PIK3C2A: variants seen among roughly 807,000 people sequenced by gnomAD.
PIK3C2A encodes phosphatidylinositol-4-phosphate 3-kinase catalytic subunit type 2 alpha, also known as phosphatidylinositol 4-phosphate 3-kinase C2 domain-containing subunit alpha.
Under a neutral mutation model 204.5 loss-of-function variants are expected in PIK3C2A, and 97 were observed. The observed-to-expected ratio is 0.47, with a 90% confidence interval of 0.40 to 0.56. The LOEUF is 0.56. PIK3C2A is among the 20% of genes least tolerant of loss of function. The pLI, the probability that PIK3C2A is intolerant of heterozygous loss-of-function variation, is 0.00. For missense variants in PIK3C2A, 1,735 were observed against 1,969.2 expected (o/e 0.88, Z 2.25); for synonymous variants, 653 against 664.4 (o/e 0.98, Z 0.26).
intron 1 of PIK3C2A, among the ~76,000 whole-genome samples, chr11:17,183,844 G>A (rs987212944): frequency 2.6e-5 from 4 of 151,654 alleles, no homozygotes; most frequent in African/African-American, 4.9e-5. Context: ...CACACCTGTA[G>A]TCCCAGCACC....
intron 1 of PIK3C2A, among the ~76,000 whole-genome samples, chr11:17,170,180 AGG>A (rs1851112683): frequency 1.3e-5 from 2 of 152,230 alleles, no homozygotes; most frequent in Non-Finnish European, 1.5e-5. Context: ...CAGTTCAGAC[AGG>A]GTTTACCAAT....
At chr11:17,202,715 G>A (rs1852432237) in intron 1 of PIK3C2A, among the ~76,000 whole-genome samples, 1 of 152,212 alleles carries the variant, frequency 6.6e-6, no homozygotes, top group African/African-American at 2.4e-5. Flanking sequence ...TACCTCACAG[G>A]TAATAAGGTC....
chr11:17,192,279 T>C (rs1851972784), intron 1 of PIK3C2A, among the ~76,000 whole-genome samples: 1 of 152,180 alleles, frequency 6.6e-6, no homozygotes, highest in African/African-American at 2.4e-5. Flanking sequence ...CCAAGCTAAA[T>C]CCAACATTGT....
rs113564750 is a variant in PIK3C2A at position 17,189,385 on chromosome 11, C to T, written c.-66+18463G>A. Reference sequence around the variant, plus strand: ...ATCCCAGCACTATGGCAGGCCGAGGCGGGTGGATCACCTGAGGTCAGGAGT... The same window carrying T: ...ATCCCAGCACTATGGCAGGCCGAGGTGGGTGGATCACCTGAGGTCAGGAGT... On this transcript the variant is annotated intron_variant, in intron 1 of 32. Coordinates refer to ENST00000691414, the MANE Select transcript of PIK3C2A (RefSeq NM_002645.4). 3.4e-5 allele frequency among the ~76,000 whole-genome samples: 5 copies of T among 146,190 alleles called. 1 individual carries two copies. The highest frequency in any genetic ancestry group is 2.1e-4 in the South Asian group (1 of 4,808).
intron 1 of PIK3C2A, among the ~76,000 whole-genome samples, chr11:17,187,540 C>A (rs598946): frequency 0.58 from 87,883 of 151,880 alleles, 25,759 homozygotes; most frequent in East Asian, 0.82. Flanking sequence ...CAGAGTTTCT[C>A]ATTGGCAGGG....
At chr11:17,158,332 G>A (rs1366854301) in intron 2 of PIK3C2A, among the ~76,000 whole-genome samples, 1 of 150,048 alleles carries the variant, frequency 6.7e-6, no homozygotes, top group Non-Finnish European at 1.5e-5. Context: ...TGGGCAATAA[G>A]AGCAAAACTC....
rs778486543 is a variant in PIK3C2A, at chr11:17,135,131, G to T, written c.1877C>A (p.Thr626Asn). The change falls in exon 10 of 33, where the codon ACT becomes AAT. Residue 626 changes from threonine (T) to asparagine (N), a missense_variant. Thr to Asn is a moderately conservative substitution (Grantham distance 65). Around this residue, in one of 6 missense-constraint regions of PIK3C2A, gnomAD observed 567 missense variants for 576.0 expected, o/e 0.98. Transcript: ENST00000691414. ...CATACCCCTAGTTGAACTCCTGCTA[G>T]TGTCTTCTCCTCCAAACAAAGAAGT... is the stretch of plus-strand genomic sequence containing the variant. Reference protein sequence around the residue: ...DVTSLFGGEDTSRSSTRGSLN... With the variant: ...DVTSLFGGEDNSRSSTRGSLN... 6.8e-6 allele frequency: 11 copies of T among 1,613,866 alleles called. No homozygotes were observed. The East Asian group carries it at 2.5e-4, about 36-fold the overall frequency.
chr11:17,193,026 T>C (rs1851994803), intron 1 of PIK3C2A, among the ~76,000 whole-genome samples: 1 of 152,176 alleles, frequency 6.6e-6, no homozygotes, highest in East Asian at 1.9e-4. Context: ...ATACCATAAC[T>C]GTAGGAATGG....
intron 8 of PIK3C2A, among the ~76,000 whole-genome samples, chr11:17,140,232 C>T (rs1259408967): frequency 6.6e-6 from 1 of 151,990 alleles, no homozygotes; most frequent in South Asian, 2.1e-4. Context: ...CTGGGTAAGA[C>T]AGTGAGACCT....
Position 17,123,223 on chromosome 11 carries a change from C to T in PIK3C2A, c.2400-410G>A, listed in dbSNP as rs555326419. Among the ~76,000 whole-genome samples the T allele has an allele frequency of 7.2e-5, 11 of 152,164 alleles. No homozygotes were observed. In the South Asian group the frequency reaches 2.1e-3, roughly 29 times the overall value. On this transcript the variant is annotated intron_variant, in intron 13 of 32. Transcript: ENST00000691414. ...GACTTTAATCATTAGATCAAAAATA[C>T]AAGCCAAAGAAAACAAAACACGTTT... is the stretch of plus-strand genomic sequence containing the variant.
chr11:17,206,983 T>C (rs886735892), intron 1 of PIK3C2A, among the ~76,000 whole-genome samples: 42 of 152,188 alleles, frequency 2.8e-4, no homozygotes, highest in Non-Finnish European at 4.4e-5. Context: ...CCTCAATTTC[T>C]ATCGGGCCAG....
intron 1 of PIK3C2A, among the ~76,000 whole-genome samples, chr11:17,189,187 C>G (rs1851856914): frequency 6.8e-6 from 1 of 147,092 alleles, no homozygotes. Flanking sequence ...ACAGCTGCAA[C>G]AAAGCACAGA....
At chr11:17,155,473 C>T in intron 3 of PIK3C2A, 53 bp downstream of exon 3, 1 of 968,334 alleles carries the variant, frequency 1.0e-6, no homozygotes, top group Non-Finnish European at 1.6e-6. Context: ...TAGCACTAAA[C>T]TGGTTTTCAA....
At chr11:17,096,688 A>G (rs893369571) in intron 27 of PIK3C2A, among the ~76,000 whole-genome samples, 1 of 152,206 alleles carries the variant, frequency 6.6e-6, no homozygotes, top group African/African-American at 2.4e-5. Flanking sequence ...AGATAACACT[A>G]CAGTCTCGAA....
At chr11:17,095,641 T>C (rs1025740301) in intron 27 of PIK3C2A, among the ~76,000 whole-genome samples, 8 of 151,436 alleles carry the variant, frequency 5.3e-5, no homozygotes, top group African/African-American at 1.5e-4. Flanking sequence ...AGTCCAGGCA[T>C]GGTGGCTCAC....
At position 17,169,061 on chromosome 11, in the gene PIK3C2A, A is replaced by C. The variant is rs1851068241; in HGVS notation, c.681T>G (p.Phe227Leu). The C allele has an allele frequency of 3.1e-6, 5 of 1,614,122 alleles. No individual in the cohort carries two copies. Among genetic ancestry groups the C allele is most frequent in the Non-Finnish European group, 4.2e-6 (5 of 1,180,006 alleles). The change falls in exon 2 of 33, where the codon TTT becomes TTG. Residue 227 changes from phenylalanine to leucine, a missense_variant. Phe to Leu is a conservative substitution (Grantham distance 22). This residue lies in a region of PIK3C2A where 536 missense variants were observed against 546.7 expected (regional missense o/e 0.98). Coordinates refer to ENST00000691414, the MANE Select transcript of PIK3C2A (RefSeq NM_002645.4). ...PVVSTDMAKL[F>L]DKIASTSEFL... ...ATTCTGATGTACTAGCTATTTTGTC[A>C]AATAGTTTTGCCATGTCAGTACTGA...
chr11:17,168,705 A>G lies in PIK3C2A; in HGVS notation c.1037T>C (p.Leu346Pro). The G allele has an allele frequency of 1.9e-6, 3 of 1,594,832 alleles. No individual in the cohort carries two copies. The highest frequency in any genetic ancestry group is 4.5e-5 in the East Asian group (2 of 44,778). Residue 346 changes from leucine (L) to proline (P), a missense_variant, in exon 2 of 33, where the codon CTT (leucine) becomes CCT (proline). Coordinates refer to ENST00000691414, the MANE Select transcript of PIK3C2A (RefSeq NM_002645.4). ...AGATATATGGCCCTGGGCTTTTGCA[A>G]GCTGAGTTGTTCGAATATTTAAAGA... ...SQSLNIRTTQ[L>P]AKAQGHISQK...
At chr11:17,119,365 G>T in intron 16 of PIK3C2A, 52 bp from the exon 17 acceptor site, 1 of 1,081,594 alleles carries the variant, frequency 9.2e-7, no homozygotes, top group Non-Finnish European at 1.4e-6. Context: ...TTCCAGTGAA[G>T]CTGTATTTTT....
intron 15 of PIK3C2A, among the ~76,000 whole-genome samples, chr11:17,121,770 A>C (rs889603375): frequency 1.3e-5 from 2 of 152,078 alleles, no homozygotes; most frequent in Non-Finnish European, 2.9e-5. Flanking sequence ...TTCTAAAAAA[A>C]TTGCTTGTTC....
Sources: allele counts gnomAD v4.1 joint callset (sites outside exome capture counted in the v4.1 genomes callset), GRCh38; gene constraint gnomAD v4.1.1; regional missense constraint gnomAD v4.1.1; transcripts MANE v1.5; gene names NCBI Gene and HGNC (gene_info 2026-07-23, HGNC 2026-07-21).